Variants in TPGS2 observed in about 807,000 individuals in gnomAD.
TPGS2 encodes the protein polyglutamylase subunit 2.
A neutral mutation model predicts 31.1 loss-of-function variants in TPGS2; 26 were observed. The observed-to-expected ratio is 0.84, with a 90% confidence interval of 0.61 to 1.16. The LOEUF is 1.16. Ranked by LOEUF, TPGS2 falls within the 50% of genes most tolerant of loss-of-function variation. The pLI is 0.00. For missense variants in TPGS2, 351 were observed against 363.8 expected (o/e 0.96, Z 0.29); for synonymous variants, 130 against 136.6 (o/e 0.95, Z 0.34).
At chr18:36,815,178 C>T (rs2045597543) in intron 2 of TPGS2, among the ~76,000 whole-genome samples, 1 of 152,116 alleles carries the variant, frequency 6.6e-6, no homozygotes, top group South Asian at 2.1e-4. Context: ...TTCTCTGGTA[C>T]AGGCATTTCT....
At chr18:36,813,718 G>C (rs1237423374) in intron 2 of TPGS2, among the ~76,000 whole-genome samples, 1 of 152,174 alleles carries the variant, frequency 6.6e-6, no homozygotes, top group Non-Finnish European at 1.5e-5. Context: ...GCAACAAATA[G>C]CTAAATAGCT....
chr18:36,823,283 C>G (rs2045972407), intron 1 of TPGS2, among the ~76,000 whole-genome samples: 6 of 152,058 alleles, frequency 3.9e-5, no homozygotes. Context: ...AATTCAATTC[C>G]TTTTGGTTGC....
At chr18:36,788,560 C>T (rs2044203224) in intron 6 of TPGS2, 1 of 152,204 alleles carries the variant, frequency 6.6e-6, no homozygotes, top group Non-Finnish European at 1.5e-5. Flanking sequence ...GATGGGGTTT[C>T]TCCTTTACAC....
downstream of TPGS2, chr18:36,781,796 T>TA (rs2044023567): frequency 2.0e-6 from 2 of 985,362 alleles, no homozygotes; most frequent in South Asian, 4.7e-5. Flanking sequence ...TAACCCCACT[T>TA]ACGGAGACAG....
chr18:36,797,404 T>G lies in TPGS2; in HGVS notation c.658-354A>C, dbSNP rs982381519. 2.0e-5 allele frequency among the ~76,000 whole-genome samples: 3 copies of G among 150,092 alleles called. No individual in the cohort carries two copies. In the Admixed American group the frequency reaches 2.0e-4, roughly 10 times the overall value. On this transcript the variant is annotated intron_variant, in intron 6 of 6. Transcript: ENST00000334295. ...ATTGTTCTGCCCTCAAACCAGCTAC[T>G]CCCCATCAGGTGGATTCTGGCAGCA...
At chr18:36,816,531 C>T (rs1295268506) in intron 2 of TPGS2, among the ~76,000 whole-genome samples, 1 of 152,206 alleles carries the variant, frequency 6.6e-6, no homozygotes, top group Non-Finnish European at 1.5e-5. Flanking sequence ...GCATTCCTGT[C>T]CTCTCACCTT....
At chr18:36,805,633 T>C (rs1600780239) in intron 3 of TPGS2, 131 bp from the exon 4 acceptor site, 1 of 1,281,866 alleles carries the variant, frequency 7.8e-7, no homozygotes, top group Non-Finnish European at 1.1e-6. Flanking sequence ...TGATGGAAGG[T>C]GGGAAGAAGA....
At chr18:36,805,706 C>T (rs912096630) in intron 3 of TPGS2, among the ~76,000 whole-genome samples, 3 of 151,996 alleles carry the variant, frequency 2.0e-5, no homozygotes, top group Admixed American at 1.3e-4. Flanking sequence ...CTGGGGGCCA[C>T]GGGTGATGAA....
At chr18:36,801,345 GAGAC>G (rs765428516) in intron 4 of TPGS2, among the ~76,000 whole-genome samples, 4 of 151,876 alleles carry the variant, frequency 2.6e-5, no homozygotes, top group Non-Finnish European at 4.4e-5. Context: ...TTATTTTTTT[GAGAC>G]AGACAGGGTC....
At chr18:36,818,724 A>G in intron 2 of TPGS2, 170 bp downstream of exon 2, 1 of 559,996 alleles carries the variant, frequency 1.8e-6, no homozygotes, top group Non-Finnish European at 3.1e-6. Flanking sequence ...AGTGGCATAG[A>G]ATGAAAGGAA....
chr18:36,822,665 G>GCTCA (rs1200233929), intron 1 of TPGS2, among the ~76,000 whole-genome samples: 1 of 152,142 alleles, frequency 6.6e-6, no homozygotes, highest in Non-Finnish European at 1.5e-5. Flanking sequence ...TGTAATCATA[G>GCTCA]CTCACTTCAG....
rs2044422659 is a variant in TPGS2 at position 36,794,320 on chromosome 18, T to C, written c.*2485A>G. 1 of 985,356 alleles carries C rather than the reference T, an allele frequency of 1.0e-6. No individual in the cohort carries two copies. The highest frequency in any genetic ancestry group is 1.7e-5 in the African/African-American group (1 of 57,234). 61.0% of individuals were successfully genotyped at this position (985,356 alleles called of 1,614,324 possible). ...GAGTGGAGTCAGTCCTGCTCTTCCC[T>C]GCTCACTCCTTCTGAGGCAGGTCTT... On this transcript the variant is annotated 3_prime_UTR_variant, in exon 7 of 7. Coordinates refer to ENST00000334295, the MANE Select transcript of TPGS2 (RefSeq NM_015476.4).
At chr18:36,791,896 G>GGTGTGT (rs2044321864), downstream of TPGS2, among the ~76,000 whole-genome samples, 1 of 151,926 alleles carries the variant, frequency 6.6e-6, no homozygotes, top group African/African-American at 2.4e-5. Context: ...TTAACCAGGT[G>GGTGTGT]GCGTGTGCCT....
intron 1 of TPGS2, among the ~76,000 whole-genome samples, chr18:36,825,458 A>G (rs1363900683): frequency 2.6e-5 from 4 of 151,508 alleles, no homozygotes; most frequent in Non-Finnish European, 4.4e-5. Flanking sequence ...AAAAAAATCA[A>G]TGAATCATAA....
chr18:36,795,489 G>A lies in TPGS2; in HGVS notation c.*1316C>T. 1 of 985,440 alleles carries A rather than the reference G, an allele frequency of 1.0e-6. No individual in the cohort carries two copies. Among genetic ancestry groups the A allele is most frequent in the Non-Finnish European group, 1.2e-6 (1 of 829,954 alleles). 61.0% of individuals were successfully genotyped at this position (985,440 alleles called of 1,614,324 possible). A position where few individuals can be genotyped will look rare whatever the true frequency, so the allele number is the denominator to read the frequency against. Reference sequence around the variant, plus strand: ...ACCCAAAGAACTTGGGGCTAGGTGGGTGACTCCCCACTTTCCCTGTTGGGA... The same window carrying A: ...ACCCAAAGAACTTGGGGCTAGGTGGATGACTCCCCACTTTCCCTGTTGGGA... On this transcript the variant is annotated 3_prime_UTR_variant, in exon 7 of 7. Coordinates refer to ENST00000334295, the MANE Select transcript of TPGS2 (RefSeq NM_015476.4).
At chr18:36,790,971 T>C (rs928999540), downstream of TPGS2, among the ~76,000 whole-genome samples, 2 of 152,212 alleles carry the variant, frequency 1.3e-5, no homozygotes, top group African/African-American at 2.4e-5. Flanking sequence ...TCATGTCGAA[T>C]TGTAATCCCC....
chr18:36,828,950 C>G lies in TPGS2; in HGVS notation c.-183G>C. On this transcript the variant is annotated 5_prime_UTR_variant, in exon 1 of 7. Transcript: ENST00000334295. ...CAGCTCCGTGGGGCGCCGGTTCCCG[C>G]GGCCCCGCCCGGTGCCCCACACCGC... The G allele has an allele frequency of 1.0e-6, 1 of 979,454 alleles. No individual in the cohort carries two copies. Among genetic ancestry groups the G allele is most frequent in the Non-Finnish European group, 1.4e-6 (1 of 694,088 alleles). 60.7% of individuals were successfully genotyped at this position (979,454 alleles called of 1,614,324 possible). A position where few individuals can be genotyped will look rare whatever the true frequency, so the allele number is the denominator to read the frequency against.
chr18:36,798,584 C>A lies in TPGS2; in HGVS notation c.522G>T (p.Trp174Cys). The stretch of plus-strand genomic sequence containing the variant: ...GCCAGTATAACGCTCTGTCCAGGAA[C>A]CAGATCTCAGTGTCTTCTGCTAATG... ...KPALAEDTEI[W>C]FLDRALYWHF... The change falls in exon 6 of 7, where the codon TGG becomes TGT. Residue 174 changes from tryptophan (W) to cysteine (C), a missense_variant. By Grantham distance (215) the Trp-to-Cys change is radical. Transcript: ENST00000334295. 3 of 1,614,064 alleles carry A rather than the reference C, an allele frequency of 1.9e-6. No homozygotes were observed. The highest frequency in any genetic ancestry group is 2.5e-6 in the Non-Finnish European group (3 of 1,179,992).
intron 1 of TPGS2, among the ~76,000 whole-genome samples, chr18:36,827,494 C>T (rs765179120): frequency 9.2e-5 from 14 of 152,266 alleles, no homozygotes; most frequent in Non-Finnish European, 1.3e-4. Flanking sequence ...AAGCAGGAAC[C>T]CGCTTAGTGT....
Sources: gnomAD v4.1 joint callset for allele counts (sites outside exome capture counted in the v4.1 genomes callset) on GRCh38, gnomAD v4.1.1 for gene constraint, MANE v1.5 for transcripts, NCBI Gene and HGNC (gene_info 2026-07-23, HGNC 2026-07-21) for gene names.